ZNF521: variants seen among roughly 807,000 people sequenced by gnomAD.
ZNF521 encodes LYST-interacting protein 3.
In ZNF521, 14 loss-of-function variants were observed where a neutral mutation model predicts 105.5. That is an observed-to-expected ratio of 0.13 (90% CI 0.09 to 0.21). The LOEUF (loss-of-function observed/expected upper bound fraction) is 0.21, where lower values mean the gene tolerates loss of function less well. ZNF521 is among the 10% of genes least tolerant of loss of function. The pLI is 1.00. For missense variants in ZNF521, 1,233 were observed against 1,629.7 expected, an observed-to-expected ratio of 0.76 and a Z score of 4.19; for synonymous variants, 635 against 606.0, an observed-to-expected ratio of 1.05 and a Z score of -0.70.
intron 5 of ZNF521, among the ~76,000 whole-genome samples, chr18:25,125,337 T>G (rs1017443935): frequency 6.6e-6 from 1 of 152,128 alleles, no homozygotes; most frequent in Non-Finnish European, 1.5e-5. Flanking sequence ...ATTTTACACT[T>G]TTCAGTTTAT....
At chr18:25,105,897 C>A (rs763752655) in intron 5 of ZNF521, among the ~76,000 whole-genome samples, 1 of 152,136 alleles carries the variant, frequency 6.6e-6, no homozygotes, top group Non-Finnish European at 1.5e-5. Context: ...AGGCAGTGAA[C>A]AGCAATAAAG....
intron 5 of ZNF521, among the ~76,000 whole-genome samples, chr18:25,098,888 A>G (rs1344495193): frequency 6.6e-6 from 1 of 152,198 alleles, no homozygotes; most frequent in African/African-American, 2.4e-5. Context: ...ACGCAAATAC[A>G]AGTATAAAAC....
chr18:25,226,000 C>A lies in ZNF521; in HGVS notation c.1918G>T (p.Gly640Cys), dbSNP rs929642021. 16 of 1,614,030 alleles carry A rather than the reference C, an allele frequency of 9.9e-6. No homozygotes were observed. The highest frequency in any genetic ancestry group is 1.3e-5 in the Non-Finnish European group (15 of 1,180,036). ...PTGEYICNQC[G>C]AKYTSLDSFQ... ...CTGTCTAGGGATGTGTACTTAGCAC[C>A]ACATTGATTACAGATATATTCTCCA... Residue 640 changes from glycine to cysteine, a missense_variant, in exon 4 of 8, where the codon GGT (glycine) becomes TGT (cysteine). Around this residue, in one of 6 missense-constraint regions of ZNF521, gnomAD observed 614 missense variants for 751.5 expected, o/e 0.82. Coordinates refer to ENST00000361524, the MANE Select transcript of ZNF521 (RefSeq NM_015461.3). This position sits in a 1 kb window ranked among gnomAD's most constrained non-coding sequence, Gnocchi z 5.6.
chr18:25,065,548 A>G (rs970439938), intron 7 of ZNF521, among the ~76,000 whole-genome samples: 6 of 152,200 alleles, frequency 3.9e-5, no homozygotes, highest in Non-Finnish European at 8.8e-5. Flanking sequence ...TCTGGTCCCA[A>G]GCATTTTAAA....
intron 3 of ZNF521, among the ~76,000 whole-genome samples, chr18:25,297,138 C>T (rs1266825972): frequency 2.0e-5 from 3 of 151,136 alleles, no homozygotes; most frequent in African/African-American, 7.3e-5. Context: ...CACACACACA[C>T]ACACATATAT....
In ZNF521 at chr18:25,329,651, C is replaced by G. The variant is rs887168618; in HGVS notation, c.41-7464G>C. Among the ~76,000 whole-genome samples, 4 of 152,286 alleles carry G rather than the reference C, an allele frequency of 2.6e-5. No individual in the cohort carries two copies. The East Asian group carries it at 7.7e-4, about 29-fold the overall frequency. On this transcript the variant is annotated intron_variant, in intron 2 of 7. Coordinates refer to ENST00000361524, the MANE Select transcript of ZNF521 (RefSeq NM_015461.3). ...CAGACAGTAAGGCAGCGGCAGAGAG[C>G]AGGCTGGAAAAGCGGCTAGAGCACG...
chr18:25,288,100 A>C (rs1910807055), intron 3 of ZNF521, among the ~76,000 whole-genome samples: 1 of 152,200 alleles, frequency 6.6e-6, no homozygotes, highest in South Asian at 2.1e-4. Flanking sequence ...AAGAAAAGAA[A>C]AAACCTCTAC....
intron 5 of ZNF521, among the ~76,000 whole-genome samples, chr18:25,146,160 C>T (rs2034939568): frequency 6.6e-6 from 1 of 152,126 alleles, no homozygotes; most frequent in Non-Finnish European, 1.5e-5. Flanking sequence ...CTAGCAAGTG[C>T]AGAGTTTTGG....
chr18:25,221,634 C>T (rs1267303919), intron 4 of ZNF521, among the ~76,000 whole-genome samples: 1 of 152,160 alleles, frequency 6.6e-6, no homozygotes, highest in Non-Finnish European at 1.5e-5. Context: ...CCTAGGGCAT[C>T]TAAGTCAATA....
In ZNF521 at chr18:25,100,806, T is replaced by C. The variant is rs550404343; in HGVS notation, c.3659-8725A>G. On this transcript the variant is annotated intron_variant, in intron 5 of 7. Transcript: ENST00000361524. ...GCCACCCCTTAGAGAAATTTGCCTGTGCATTATTAAAGTGATATACTGCAG... is the reference window on the plus strand; with the variant it reads ...GCCACCCCTTAGAGAAATTTGCCTGCGCATTATTAAAGTGATATACTGCAG... Among the ~76,000 whole-genome samples the C allele has an allele frequency of 4.6e-4, 70 of 152,354 alleles. 2 individuals are homozygous for C. The South Asian group carries it at 0.015, about 32-fold the overall frequency.
chr18:25,259,065 G>T (rs1295255042), intron 3 of ZNF521, among the ~76,000 whole-genome samples: 1 of 152,180 alleles, frequency 6.6e-6, no homozygotes, highest in African/African-American at 2.4e-5. Flanking sequence ...AGTAGTGGAA[G>T]ATTTGAACCC....
intron 3 of ZNF521, among the ~76,000 whole-genome samples, chr18:25,284,849 T>C (rs1024278353): frequency 1.3e-5 from 2 of 152,026 alleles, no homozygotes; most frequent in Non-Finnish European, 2.9e-5. Context: ...ACTTTTTGCA[T>C]GTAAACAAAA....
chr18:25,137,498 C>T (rs1484095287), intron 5 of ZNF521, among the ~76,000 whole-genome samples: 2 of 152,102 alleles, frequency 1.3e-5, no homozygotes, highest in Non-Finnish European at 2.9e-5. Context: ...TTTGTATTAC[C>T]ACATTTAGAC....
chr18:25,172,137 T>C (rs1453790928), intron 5 of ZNF521, among the ~76,000 whole-genome samples: 1 of 152,150 alleles, frequency 6.6e-6, no homozygotes, highest in East Asian at 1.9e-4. Flanking sequence ...AGTGACAGCA[T>C]AGATATGCTA....
Position 25,303,706 on chromosome 18 carries a change from A to G in ZNF521, c.220+18302T>C, listed in dbSNP as rs141417176. Among the ~76,000 whole-genome samples, 64 of 152,290 alleles carry G rather than the reference A, an allele frequency of 4.2e-4. 1 individual carries two copies. The East Asian group carries it at 0.011, about 27-fold the overall frequency. On this transcript the variant is annotated intron_variant, in intron 3 of 7. Transcript: ENST00000361524. The stretch of plus-strand genomic sequence containing the variant: ...ATGCTACTTTCAACCTTTGACATCT[A>G]AGCTCATAGATCAAATCTACTTTTT...
chr18:25,317,533 T>C (rs1339039863), intron 3 of ZNF521, among the ~76,000 whole-genome samples: 1 of 152,174 alleles, frequency 6.6e-6, no homozygotes, highest in Non-Finnish European at 1.5e-5. Flanking sequence ...AAGCCATGAT[T>C]TCTTGCTAGA....
At chr18:25,108,864 A>T (rs1433749781) in intron 5 of ZNF521, among the ~76,000 whole-genome samples, 1 of 152,116 alleles carries the variant, frequency 6.6e-6, no homozygotes, top group Non-Finnish European at 1.5e-5. Context: ...ACCTCAAGTG[A>T]TCCACCCACC....
rs778677552 is a variant in ZNF521, at chr18:25,089,623, C to T, written c.3791-43G>A. On this transcript the variant is annotated intron_variant, in intron 6 of 7. Coordinates refer to ENST00000361524, the MANE Select transcript of ZNF521 (RefSeq NM_015461.3). ...TGATGAACTTGGGTTATTTTGTTTC[C>T]GAAATGCCCTCAGTCGATGACTCTG... 5.6e-5 allele frequency: 85 copies of T among 1,526,178 alleles called. No individual in the cohort carries two copies. The East Asian group carries it at 7.2e-4, about 13-fold the overall frequency. 94.5% of individuals were successfully genotyped at this position (1,526,178 alleles called of 1,614,324 possible). A position where few individuals can be genotyped will look rare whatever the true frequency, so the allele number is the denominator to read the frequency against.
chr18:25,305,949 C>A (rs1196193216), intron 3 of ZNF521, among the ~76,000 whole-genome samples: 1 of 152,216 alleles, frequency 6.6e-6, no homozygotes, highest in Non-Finnish European at 1.5e-5. Context: ...GCCACAACCA[C>A]AAAAGGCAGG....
Sources: allele counts gnomAD v4.1 joint callset (sites outside exome capture counted in the v4.1 genomes callset), GRCh38; gene constraint gnomAD v4.1.1; regional missense constraint gnomAD v4.1.1; non-coding constraint Gnocchi (gnomAD v3.1); transcripts MANE v1.5; gene names NCBI Gene and HGNC (gene_info 2026-07-23, HGNC 2026-07-21).